The following ITPR2 variants were observed in gnomAD, a reference collection of about 807,000 sequenced individuals.
The protein encoded by ITPR2 is inositol 1,4,5-trisphosphate-gated calcium channel ITPR2.
A neutral mutation model predicts 317.1 loss-of-function variants in ITPR2; 207 were observed. The observed-to-expected ratio is 0.65, with a 90% CI of 0.58 to 0.73. ITPR2 has a LOEUF of 0.73. ITPR2 is among the 30% of genes least tolerant of loss of function. The pLI is 0.00. For synonymous variants in ITPR2, 1,156 were observed against 1,149.1 expected (o/e 1.01, Z -0.12); for missense variants, 2,613 against 3,284.0 (o/e 0.80, Z 4.99).
At chr12:26,654,923 T>G (rs1473732520) in intron 20 of ITPR2, among the ~76,000 whole-genome samples, 2 of 152,214 alleles carry the variant, frequency 1.3e-5, no homozygotes, top group Non-Finnish European at 2.9e-5. Context: ...TCACAGACCC[T>G]GAGCCAGAAC....
chr12:26,484,832 C>A lies in ITPR2; in HGVS notation c.5812-934G>T, dbSNP rs1022345888. ...GTTCACGCCATTCTCCTGCCTCAGCCTCCGGAGTAGCTGGGACTACAGGTG... is the reference window on the plus strand; with the variant it reads ...GTTCACGCCATTCTCCTGCCTCAGCATCCGGAGTAGCTGGGACTACAGGTG... On this transcript the variant is annotated intron_variant, in intron 41 of 56. Coordinates refer to ENST00000381340, the MANE Select transcript of ITPR2 (RefSeq NM_002223.4). Among the ~76,000 whole-genome samples the A allele has an allele frequency of 2.4e-4, 36 of 152,134 alleles. 1 individual carries two copies. The highest frequency in any genetic ancestry group is 8.5e-4 in the African/African-American group (35 of 41,410).
intron 46 of ITPR2, among the ~76,000 whole-genome samples, chr12:26,439,987 T>G (rs1295542123): frequency 6.6e-6 from 1 of 152,218 alleles, no homozygotes; most frequent in East Asian, 1.9e-4. Context: ...CAAGGGCTTA[T>G]GTAGCCTAAA....
At chr12:26,623,145 T>C (rs1162118398) in intron 24 of ITPR2, among the ~76,000 whole-genome samples, 1 of 152,216 alleles carries the variant, frequency 6.6e-6, no homozygotes, top group Non-Finnish European at 1.5e-5. Flanking sequence ...CCCACTACCC[T>C]ACCCAACTCT....
At position 26,658,140 on chromosome 12, in the gene ITPR2, G is replaced by GA; in HGVS notation, c.1887-11dup. On this transcript the variant is annotated splice_polypyrimidine_tract_variant and intron_variant, in intron 16 of 56. Coordinates refer to ENST00000381340, the MANE Select transcript of ITPR2 (RefSeq NM_002223.4). ...CAAATAATCCAAAAACCTGGCAAAA[G>GA]AAAAAAATTAAATGGAATATGAAGA... 2 of 1,526,662 alleles carry GA rather than the reference G, an allele frequency of 1.3e-6. No homozygotes were observed. Among genetic ancestry groups the GA allele is most frequent in the Non-Finnish European group, 1.8e-6 (2 of 1,136,556 alleles). 94.6% of individuals were successfully genotyped at this position (1,526,662 alleles called of 1,614,324 possible). A position where few individuals can be genotyped will look rare whatever the true frequency, so the allele number is the denominator to read the frequency against.
At chr12:26,412,449 G>C (rs1940580059) in intron 51 of ITPR2, among the ~76,000 whole-genome samples, 1 of 152,162 alleles carries the variant, frequency 6.6e-6, no homozygotes, top group Admixed American at 6.5e-5. Context: ...GGTGTGGGGG[G>C]TCAGAAAGTG....
intron 1 of ITPR2, among the ~76,000 whole-genome samples, chr12:26,804,959 T>A (rs1395312971): frequency 6.6e-6 from 1 of 152,060 alleles, no homozygotes; most frequent in Admixed American, 6.6e-5. Flanking sequence ...GGTCTTGAAC[T>A]CCTGGGCTCA....
At chr12:26,787,253 T>C (rs1347032079) in intron 2 of ITPR2, among the ~76,000 whole-genome samples, 1 of 152,152 alleles carries the variant, frequency 6.6e-6, no homozygotes, top group East Asian at 1.9e-4. Context: ...GAGTTCCCAA[T>C]AGGAAAGAAC....
intron 21 of ITPR2, among the ~76,000 whole-genome samples, chr12:26,635,799 T>G (rs931724010): frequency 8.5e-5 from 13 of 152,198 alleles, no homozygotes; most frequent in Admixed American, 8.5e-4. Context: ...CTAGAGCAGT[T>G]TTCTATTTCA....
intron 45 of ITPR2, among the ~76,000 whole-genome samples, chr12:26,450,057 A>G (rs982266582): frequency 6.6e-6 from 1 of 152,152 alleles, no homozygotes; most frequent in Non-Finnish European, 1.5e-5. Flanking sequence ...GTAATGACAC[A>G]GGAGAGACTG....
chr12:26,355,814 C>T (rs1938621373), intron 55 of ITPR2, among the ~76,000 whole-genome samples: 1 of 152,192 alleles, frequency 6.6e-6, no homozygotes, highest in Non-Finnish European at 1.5e-5. Context: ...GGGGCACACT[C>T]AGGTTAAAGA....
chr12:26,377,826 T>C (rs1939389717), intron 55 of ITPR2, among the ~76,000 whole-genome samples: 1 of 152,206 alleles, frequency 6.6e-6, no homozygotes, highest in South Asian at 2.1e-4. Context: ...ACACATATCA[T>C]ATCCTTAATT....
rs746537715 is a variant in ITPR2 at position 26,340,320 on chromosome 12, A to G, written c.7866T>C (p.Asn2622=). The G allele has an allele frequency of 1.4e-5, 22 of 1,599,094 alleles. No homozygotes were observed. Among genetic ancestry groups the G allele is most frequent in the South Asian group, 4.6e-5 (4 of 87,498 alleles). Residue 2622 remains asparagine, a synonymous_variant, in exon 56 of 57, where the codon AAT becomes AAC. Coordinates refer to ENST00000381340, the MANE Select transcript of ITPR2 (RefSeq NM_002223.4). ...CTCGCATCCGAGGAAACCAATCCAAATTCTTCTCCTGAAAGCAAATAAATG... is the reference window on the plus strand; with the variant it reads ...CTCGCATCCGAGGAAACCAATCCAAGTTCTTCTCCTGAAAGCAAATAAATG... ...SYVAQMIVEK[N]LDWFPRMRAM...
At chr12:26,409,109 G>C (rs1461956510) in intron 52 of ITPR2, among the ~76,000 whole-genome samples, 1 of 152,150 alleles carries the variant, frequency 6.6e-6, no homozygotes, top group Admixed American at 6.5e-5. Flanking sequence ...AGGGACACCT[G>C]TAGACCTGAA....
At chr12:26,478,959 AT>A (rs1942480565) in intron 43 of ITPR2, among the ~76,000 whole-genome samples, 1 of 152,020 alleles carries the variant, frequency 6.6e-6, no homozygotes, top group Non-Finnish European at 1.5e-5. Context: ...TAAAACCTTA[AT>A]AATTTTTAAT....
intron 2 of ITPR2, among the ~76,000 whole-genome samples, chr12:26,769,797 G>A (rs549319279): frequency 2.0e-5 from 3 of 152,114 alleles, no homozygotes; most frequent in Admixed American, 6.5e-5. Context: ...GACCGGATGG[G>A]GGGAGTGGCT....
intron 37 of ITPR2, among the ~76,000 whole-genome samples, chr12:26,496,240 T>C (rs542171973): frequency 2.0e-5 from 3 of 152,206 alleles, no homozygotes. Context: ...TGGCTGCAGA[T>C]CATGCAGTTA....
chr12:26,390,282 A>G (rs757656041), intron 54 of ITPR2, among the ~76,000 whole-genome samples: 1 of 152,234 alleles, frequency 6.6e-6, no homozygotes, highest in Non-Finnish European at 1.5e-5. Context: ...GAGAACTGAA[A>G]ATGTATGTTC....
At chr12:26,559,152 C>T (rs544602068) in intron 35 of ITPR2, among the ~76,000 whole-genome samples, 1 of 152,336 alleles carries the variant, frequency 6.6e-6, no homozygotes, top group South Asian at 2.1e-4. Context: ...AGATTCACTG[C>T]TTCCATGTCT....
intron 2 of ITPR2, among the ~76,000 whole-genome samples, chr12:26,734,996 C>CT (rs5797195): frequency 0.54 from 58,488 of 109,106 alleles, 16,905 homozygotes; most frequent in East Asian, 0.71. Context: ...GCAAGCCAGT[C>CT]TTTTTTTTTT....
Sources: allele counts gnomAD v4.1 joint callset (sites outside exome capture counted in the v4.1 genomes callset), GRCh38; gene constraint gnomAD v4.1.1; transcripts MANE v1.5; gene names NCBI Gene and HGNC (gene_info 2026-07-23, HGNC 2026-07-21).